The following DIP2C variants were observed in gnomAD, a reference collection of about 807,000 sequenced individuals.
DIP2C encodes the protein disco-interacting protein 2 homolog C.
Under a neutral mutation model 192.4 loss-of-function variants are expected in DIP2C, and 33 were observed. That is an observed-to-expected ratio of 0.17 (90% CI 0.13 to 0.23). The LOEUF (loss-of-function observed/expected upper bound fraction) is 0.23, where lower values mean the gene tolerates loss of function less well. Ranked by LOEUF, DIP2C falls within the 10% of genes least tolerant of loss-of-function variation. The pLI is 1.00. For missense variants in DIP2C, 1,537 were observed against 2,110.1 expected (o/e 0.73, Z 5.32); for synonymous variants, 979 against 864.1 (o/e 1.13, Z -2.33).
Position 458,122 on chromosome 10 carries a change from A to G in DIP2C, c.268+14317T>C, listed in dbSNP as rs982711701. On this transcript the variant is annotated intron_variant, in intron 3 of 36. Transcript: ENST00000280886. ...CAAGGCTACTGCCCTCATACTGGAC[A>G]GGGCAGCTCCCACCAGACAGAGCCT... Among the ~76,000 whole-genome samples the G allele has an allele frequency of 2.6e-5, 4 of 152,246 alleles. No individual in the cohort carries two copies. In the East Asian group the frequency reaches 5.8e-4, roughly 22 times the overall value.
intron 2 of DIP2C, chr10:484,827 C>A (rs1253175140): frequency 2.5e-6 from 4 of 1,611,272 alleles, no homozygotes; most frequent in Non-Finnish European, 3.4e-6. Flanking sequence ...TGCTGGCCAC[C>A]CGCTCCCGAG....
intron 1 of DIP2C, among the ~76,000 whole-genome samples, chr10:598,549 C>G (rs534147376): frequency 1.3e-4 from 20 of 152,052 alleles, no homozygotes; most frequent in East Asian, 7.8e-4. Flanking sequence ...GCTCCTCCCC[C>G]CACAGCTCCT....
intron 3 of DIP2C, among the ~76,000 whole-genome samples, chr10:448,531 G>T (rs1218487843): frequency 4.4e-5 from 6 of 136,526 alleles, no homozygotes; most frequent in Admixed American, 7.6e-5. Context: ...TTGATACTCA[G>T]GATCACACAC....
chr10:361,707 A>G (rs1344603645), intron 22 of DIP2C, among the ~76,000 whole-genome samples: 1 of 152,186 alleles, frequency 6.6e-6, no homozygotes, highest in Non-Finnish European at 1.5e-5. Context: ...TACTACAGAA[A>G]CAGCCTGGGG....
At chr10:604,757 G>A (rs181309908) in intron 1 of DIP2C, among the ~76,000 whole-genome samples, 234 of 152,270 alleles carry the variant, frequency 1.5e-3, no homozygotes, top group African/African-American at 5.1e-3. Flanking sequence ...AAAGAAAAAA[G>A]ACAAATGTTT....
intron 1 of DIP2C, among the ~76,000 whole-genome samples, chr10:535,170 C>T (rs1847631440): frequency 6.6e-6 from 1 of 152,078 alleles, no homozygotes. Flanking sequence ...GCCAGACCCT[C>T]CTCTACCGCA....
chr10:300,237 C>A (rs923267924), intron 32 of DIP2C, among the ~76,000 whole-genome samples: 4 of 152,178 alleles, frequency 2.6e-5, no homozygotes, highest in African/African-American at 9.7e-5. Context: ...AAGGTGGAAG[C>A]AACCCAAGTG....
chr10:680,892 A>C (rs568234777), intron 1 of DIP2C, among the ~76,000 whole-genome samples: 1 of 152,288 alleles, frequency 6.6e-6, no homozygotes, highest in African/African-American at 2.4e-5. Context: ...CGGAAATTCC[A>C]GGGAATGCAG....
intron 1 of DIP2C, among the ~76,000 whole-genome samples, chr10:506,307 C>T (rs957718036): frequency 6.6e-6 from 1 of 152,146 alleles, no homozygotes; most frequent in South Asian, 2.1e-4. Flanking sequence ...GAAGAGCAGA[C>T]AAGCTGCATG....
chr10:414,733 G>GTATATATA (rs1485973532), intron 7 of DIP2C, among the ~76,000 whole-genome samples: 3 of 58,292 alleles, frequency 5.1e-5, no homozygotes, highest in Non-Finnish European at 6.8e-5. Flanking sequence ...GTGTGTGTGT[G>GTATATATA]TGTGTGTACA....
At chr10:342,895 T>C (rs912593413) in intron 28 of DIP2C, among the ~76,000 whole-genome samples, 1 of 152,164 alleles carries the variant, frequency 6.6e-6, no homozygotes, top group African/African-American at 2.4e-5. Context: ...TAAAATATAT[T>C]AATAAGATCA....
intron 17 of DIP2C, among the ~76,000 whole-genome samples, chr10:378,717 A>T (rs543842121): frequency 6.6e-6 from 1 of 152,156 alleles, no homozygotes; most frequent in Non-Finnish European, 1.5e-5. Context: ...ATATGCACAG[A>T]CACGTGAACA....
At chr10:630,160 G>A (rs1015652086) in intron 1 of DIP2C, 5 of 152,186 alleles carry the variant, frequency 3.3e-5, no homozygotes, top group East Asian at 1.9e-4. Flanking sequence ...AGCAAAACCC[G>A]AGACTCACGG....
At chr10:633,711 T>A (rs1487366321) in intron 1 of DIP2C, among the ~76,000 whole-genome samples, 1 of 152,192 alleles carries the variant, frequency 6.6e-6, no homozygotes. Context: ...TTAAGAAAAC[T>A]GACTAAAAAC....
At chr10:536,124 C>G (rs1049406807) in intron 1 of DIP2C, among the ~76,000 whole-genome samples, 4 of 152,224 alleles carry the variant, frequency 2.6e-5, no homozygotes, top group Admixed American at 6.5e-5. Flanking sequence ...CAGGGCCGAG[C>G]TCCCACCGCA....
At chr10:326,590 A>G (rs1271509132) in intron 31 of DIP2C, among the ~76,000 whole-genome samples, 1 of 152,206 alleles carries the variant, frequency 6.6e-6, no homozygotes, top group Non-Finnish European at 1.5e-5. Context: ...CGGTTTCTAA[A>G]ATGCCATTGC....
intron 1 of DIP2C, among the ~76,000 whole-genome samples, chr10:587,498 C>CA (rs1380218043): frequency 6.6e-6 from 1 of 152,204 alleles, no homozygotes; most frequent in African/African-American, 2.4e-5. Context: ...AAAAATACCC[C>CA]AAACCTACAG....
chr10:424,303 C>T (rs1441528637), intron 4 of DIP2C, among the ~76,000 whole-genome samples: 1 of 143,744 alleles, frequency 7.0e-6, no homozygotes, highest in East Asian at 2.1e-4. Context: ...TAAAAGTTTA[C>T]TTGTTAGAAA....
intron 1 of DIP2C, among the ~76,000 whole-genome samples, chr10:604,010 A>C (rs112242106): frequency 2.4e-4 from 34 of 140,356 alleles, no homozygotes; most frequent in Non-Finnish European, 3.7e-4. Flanking sequence ...CAGCCCCACA[A>C]CACCACCCCA....
Sources: allele counts gnomAD v4.1 joint callset (sites outside exome capture counted in the v4.1 genomes callset), GRCh38; gene constraint gnomAD v4.1.1; transcripts MANE v1.5; gene names NCBI Gene and HGNC (gene_info 2026-07-23, HGNC 2026-07-21).